Variants in NOB1 observed in about 807,000 individuals in gnomAD.
NOB1 encodes the protein NIN1 (RPN12) binding protein 1 homolog, also known as RNA-binding protein NOB1.
In NOB1, 44 loss-of-function variants were observed where a neutral mutation model predicts 44.8. The ratio of observed to expected loss-of-function variants is 0.98; its 90% CI spans 0.77 to 1.26. NOB1 has a LOEUF of 1.26. Ranked by LOEUF, NOB1 falls within the 50% of genes most tolerant of loss-of-function variation. The pLI, the probability that NOB1 is intolerant of heterozygous loss-of-function variation, is 0.00. For synonymous variants in NOB1, 238 were observed against 218.7 expected (o/e 1.09, Z -0.78); for missense variants, 560 against 544.8 (o/e 1.03, Z -0.28).
chr16:69,742,654 A>G, intron 8 of NOB1, 53 bp from the exon 9 acceptor site: 1 of 1,587,684 alleles, frequency 6.3e-7, no homozygotes, highest in Non-Finnish European at 8.6e-7. Context: ...ACAGTCACAC[A>G]AGGCCATGGC....
At chr16:69,751,325 T>A (rs930481472) in intron 3 of NOB1, among the ~76,000 whole-genome samples, 4 of 151,536 alleles carry the variant, frequency 2.6e-5, no homozygotes, top group Admixed American at 6.6e-5. Flanking sequence ...GTTCTTTTTT[T>A]TAAAAAAATT....
intron 7 of NOB1, among the ~76,000 whole-genome samples, 162 bp from the exon 8 acceptor site, chr16:69,745,179 G>A (rs1363587631): frequency 6.6e-6 from 1 of 152,202 alleles, no homozygotes. Context: ...TCAGCAAAGG[G>A]CTGCCGCATC....
intron 8 of NOB1, 29 bp downstream of exon 8, chr16:69,744,843 TG>T: frequency 6.2e-7 from 1 of 1,607,306 alleles, no homozygotes; most frequent in Admixed American, 1.7e-5. Context: ...ACTCTGGTGT[TG>T]GGAGGGGACT....
intron 8 of NOB1, among the ~76,000 whole-genome samples, chr16:69,744,006 C>T (rs766944524): frequency 6.6e-6 from 1 of 152,122 alleles, no homozygotes; most frequent in African/African-American, 2.4e-5. Context: ...CATGATTAAC[C>T]CTGGGAAATC....
In NOB1 at chr16:69,754,579, G is replaced by C. The variant is rs1298708675; in HGVS notation, c.196+15C>G. On this transcript the variant is annotated intron_variant, in intron 2 of 8. Transcript: ENST00000268802. ...GACCCCAGCTTCCCGTCAACGCTAG[G>C]GCAGAGGCACTCACCCAGCCGCACG... The C allele has an allele frequency of 6.2e-7, 1 of 1,613,746 alleles. No homozygotes were observed. Among genetic ancestry groups the C allele is most frequent in the Non-Finnish European group, 8.5e-7 (1 of 1,179,950 alleles).
At position 69,742,118 on chromosome 16, in the gene NOB1, C is replaced by T. The variant is rs958110016; in HGVS notation, c.*214G>A. Reference sequence around the variant, plus strand: ...TTTCTGTTTTTATGCAATTGCACTTCCTTGGCAGGCAGCCAGGCGCTCCGG... The same window carrying T: ...TTTCTGTTTTTATGCAATTGCACTTTCTTGGCAGGCAGCCAGGCGCTCCGG... On this transcript the variant is annotated 3_prime_UTR_variant, in exon 9 of 9. Coordinates refer to ENST00000268802, the MANE Select transcript of NOB1 (RefSeq NM_014062.3). 7.5e-6 allele frequency: 4 copies of T among 529,818 alleles called. No homozygotes were observed. The highest frequency in any genetic ancestry group is 1.3e-5 in the Non-Finnish European group (4 of 301,354). 32.8% of individuals were successfully genotyped at this position (529,818 alleles called of 1,614,324 possible). A position where few individuals can be genotyped will look rare whatever the true frequency, so the allele number is the denominator to read the frequency against.
chr16:69,745,152 G>A (rs1201484759), intron 7 of NOB1, 135 bp from the exon 8 acceptor site: 24 of 872,960 alleles, frequency 2.7e-5, no homozygotes, highest in Non-Finnish European at 3.5e-5. Context: ...TCACAAAGAC[G>A]GAGGCCACTG....
In NOB1 at chr16:69,742,434, G is replaced by A; in HGVS notation, c.1137C>T (p.Ser379=). 2.5e-6 allele frequency: 4 copies of A among 1,614,272 alleles called. No homozygotes were observed. Among genetic ancestry groups the A allele is most frequent in the African/African-American group, 1.3e-5 (1 of 75,080 alleles). ...GVSPFVENDI[S]SRSATLQVRD... Reference sequence around the variant, plus strand: ...GGACCTGCAGGGTAGCTGAGCGGCTGGAGATGTCATTCTCGACAAAGGGTG... The same window carrying A: ...GGACCTGCAGGGTAGCTGAGCGGCTAGAGATGTCATTCTCGACAAAGGGTG... Residue 379 remains serine, a synonymous_variant, in exon 9 of 9, where the codon TCC becomes TCT. Coordinates refer to ENST00000268802, the MANE Select transcript of NOB1 (RefSeq NM_014062.3).
rs1040599129 is a variant in NOB1, at chr16:69,749,185, G to A, written c.525+28C>T. On this transcript the variant is annotated intron_variant, in intron 5 of 8. Coordinates refer to ENST00000268802, the MANE Select transcript of NOB1 (RefSeq NM_014062.3). ...GCAGTGGAGGAGAAGTTGAGCTGTC[G>A]TCAGAAGACCAAAAGTCAAGGCCTC... 20 of 1,612,960 alleles carry A rather than the reference G, an allele frequency of 1.2e-5. No individual in the cohort carries two copies. The African/African-American group carries it at 1.3e-4, about 11-fold the overall frequency.
rs536540729 is a variant in NOB1 at position 69,744,978 on chromosome 16, A to G, written c.864T>C (p.Cys288=). ...ACACTTTCTTCAGGGTCTTGTTCCC[A>G]CAGTGTGAGCAGAACACTCGGCTCA... is the stretch of plus-strand genomic sequence containing the variant. ...SDMSRVFCSH[C]GNKTLKKVSV... is the part of the protein sequence containing the mutation. Residue 288 remains cysteine (C), a synonymous_variant, in exon 8 of 9, where the codon TGT becomes TGC. Coordinates refer to ENST00000268802, the MANE Select transcript of NOB1 (RefSeq NM_014062.3). 32 of 1,614,146 alleles carry G rather than the reference A, an allele frequency of 2.0e-5. No individual in the cohort carries two copies. The East Asian group carries it at 4.2e-4, about 21-fold the overall frequency.
intron 7 of NOB1, among the ~76,000 whole-genome samples, chr16:69,745,525 G>A (rs532219515): frequency 2.0e-5 from 3 of 152,212 alleles, no homozygotes; most frequent in Non-Finnish European, 4.4e-5. Flanking sequence ...CAGCCTGGGT[G>A]TTAACTCGGG....
rs143009356 is a variant in NOB1 at position 69,744,907 on chromosome 16, C to G, written c.935G>C (p.Arg312Pro). The G allele has an allele frequency of 1.4e-4, 218 of 1,613,694 alleles. No individual in the cohort carries two copies. Among genetic ancestry groups the G allele is most frequent in the Non-Finnish European group, 1.8e-4 (207 of 1,179,988 alleles). Residue 312 changes from arginine (R) to proline (P), a missense_variant, in exon 8 of 9, where the codon CGC becomes CCC. By Grantham distance (103) the Arg-to-Pro change is moderately radical (BLOSUM62 -2). Coordinates refer to ENST00000268802, the MANE Select transcript of NOB1 (RefSeq NM_014062.3). ...DDGTLHMHFSRNPKVLNPRGL... is the reference protein window; with the variant it reads ...DDGTLHMHFSPNPKVLNPRGL... Reference sequence around the variant, plus strand: ...GCGGGGGTTCAGCACCTTGGGGTTGCGGGAGAAGTGCATGTGCAGGGTGCC... The same window carrying G: ...GCGGGGGTTCAGCACCTTGGGGTTGGGGGAGAAGTGCATGTGCAGGGTGCC...
chr16:69,754,194 C>A (rs999499520), intron 2 of NOB1, among the ~76,000 whole-genome samples: 7 of 152,208 alleles, frequency 4.6e-5, no homozygotes, highest in Admixed American at 4.6e-4. Flanking sequence ...TCAGCCCAAT[C>A]TACTGAAAAG....
Position 69,754,823 on chromosome 16 carries a change from T to C in NOB1, c.63+25A>G, listed in dbSNP as rs200254365. The stretch of plus-strand genomic sequence containing the variant: ...GAGGGGCGGCCAGCCCAGATCTCTC[T>C]CGTCCCGGAGGGAGCTCCCCGTACC... On this transcript the variant is annotated intron_variant, in intron 1 of 8. Transcript: ENST00000268802. The C allele has an allele frequency of 6.2e-5, 100 of 1,606,468 alleles. 1 individual carries two copies. In the Admixed American group the frequency reaches 1.2e-3, roughly 20 times the overall value.
rs182601918 is a variant in NOB1 at position 69,750,588 on chromosome 16, A to C, written c.328-958T>G. 9.1e-3 allele frequency among the ~76,000 whole-genome samples: 1,393 copies of C among 152,298 alleles called. 7 individuals carry two copies. Among genetic ancestry groups the C allele is most frequent in the Non-Finnish European group, 0.013 (869 of 68,028 alleles). Reference sequence around the variant, plus strand: ...GCTGCAGTGAGCTGTGATCAGCGCCACTGTACTCCAGCCCAGGTGATGACA... The same window carrying C: ...GCTGCAGTGAGCTGTGATCAGCGCCCCTGTACTCCAGCCCAGGTGATGACA... On this transcript the variant is annotated intron_variant, in intron 3 of 8. Transcript: ENST00000268802.
chr16:69,746,496 G>A (rs1226862228), intron 7 of NOB1, among the ~76,000 whole-genome samples: 2 of 152,256 alleles, frequency 1.3e-5, no homozygotes, highest in Non-Finnish European at 2.9e-5. Context: ...TGAGAGGTCA[G>A]TGGTCAAGAA....
intron 7 of NOB1, among the ~76,000 whole-genome samples, chr16:69,746,693 C>T (rs1357023720): frequency 6.6e-6 from 1 of 151,542 alleles, no homozygotes; most frequent in Non-Finnish European, 1.5e-5. Context: ...ATCACTTGAG[C>T]TCAGGCATTT....
intron 8 of NOB1, among the ~76,000 whole-genome samples, chr16:69,743,913 G>T (rs1282399998): frequency 6.6e-6 from 1 of 152,150 alleles, no homozygotes; most frequent in Admixed American, 6.6e-5. Flanking sequence ...TTGTTTCAAG[G>T]CAAAAGGGCA....
chr16:69,743,142 C>T (rs1190848908), intron 8 of NOB1, among the ~76,000 whole-genome samples: 1 of 152,134 alleles, frequency 6.6e-6, no homozygotes, highest in Non-Finnish European at 1.5e-5. Context: ...ACACATGGCA[C>T]AACGCGAGGC....
Sources: allele counts gnomAD v4.1 joint callset (sites outside exome capture counted in the v4.1 genomes callset), GRCh38; gene constraint gnomAD v4.1.1; transcripts MANE v1.5; gene names NCBI Gene and HGNC (gene_info 2026-07-23, HGNC 2026-07-21).